The following KCNH7 variants were observed in gnomAD, a reference collection of about 807,000 sequenced individuals.
The protein encoded by KCNH7 is potassium voltage-gated channel subfamily H member 7, also known as voltage-gated inwardly rectifying potassium channel KCNH7.
Under a neutral mutation model 120.8 loss-of-function variants are expected in KCNH7, and 49 were observed. The ratio of observed to expected loss-of-function variants is 0.41; its 90% confidence interval spans 0.32 to 0.51. KCNH7 has a LOEUF of 0.51. Among genes scored for constraint, KCNH7 ranks in the 20% least tolerant of loss-of-function variants. The pLI is 0.38. For synonymous variants in KCNH7, 547 were observed against 516.1 expected, an observed-to-expected ratio of 1.06 and a Z score of -0.81; for missense variants, 1,097 against 1,446.6, an observed-to-expected ratio of 0.76 and a Z score of 3.92.
chr2:162,417,726 C>A (rs916263425), intron 9 of KCNH7, among the ~76,000 whole-genome samples: 1 of 152,118 alleles, frequency 6.6e-6, no homozygotes, highest in Non-Finnish European at 1.5e-5. Flanking sequence ...CAGCATCATT[C>A]CAACTGTAAA....
chr2:162,691,250 A>C (rs1469038124), intron 2 of KCNH7, among the ~76,000 whole-genome samples: 1 of 152,270 alleles, frequency 6.6e-6, no homozygotes, highest in South Asian at 2.1e-4. Context: ...ATTGTTCTGA[A>C]TATATTTTTC....
chr2:162,515,212 T>C (rs776805063), intron 4 of KCNH7, among the ~76,000 whole-genome samples: 99 of 151,728 alleles, frequency 6.5e-4, no homozygotes, highest in Non-Finnish European at 1.2e-3. Flanking sequence ...TTTTTTTTTA[T>C]AACAGCTTAC....
chr2:162,577,399 A>C (rs906662183), intron 2 of KCNH7, among the ~76,000 whole-genome samples: 12 of 149,464 alleles, frequency 8.0e-5, no homozygotes, highest in Non-Finnish European at 1.5e-4. Context: ...CTATCTATCC[A>C]TCTATCTATC....
chr2:162,750,012 T>G (rs1688484748), intron 2 of KCNH7, among the ~76,000 whole-genome samples: 1 of 152,132 alleles, frequency 6.6e-6, no homozygotes, highest in Non-Finnish European at 1.5e-5. Context: ...AAACTTACAC[T>G]GGGGACTTAG....
intron 2 of KCNH7, among the ~76,000 whole-genome samples, chr2:162,743,164 C>T (rs1481394131): frequency 6.6e-6 from 1 of 152,198 alleles, no homozygotes; most frequent in Non-Finnish European, 1.5e-5. Context: ...CCATCTGCAT[C>T]TCTCTCTGTA....
intron 3 of KCNH7, among the ~76,000 whole-genome samples, chr2:162,528,968 C>A (rs1471338024): frequency 6.6e-6 from 1 of 151,784 alleles, no homozygotes; most frequent in African/African-American, 2.4e-5. Flanking sequence ...GGCTTGGGAG[C>A]TTTGGATAAT....
chr2:162,831,594 C>T (rs1475084522), intron 2 of KCNH7, among the ~76,000 whole-genome samples: 2 of 152,096 alleles, frequency 1.3e-5, no homozygotes, highest in African/African-American at 2.4e-5. Flanking sequence ...CTCAACTAAC[C>T]GGGTACTCTC....
chr2:162,418,255 G>A (rs895150354), intron 9 of KCNH7, among the ~76,000 whole-genome samples: 1 of 152,044 alleles, frequency 6.6e-6, no homozygotes. Flanking sequence ...TGTAGGTTTT[G>A]GCCAATCTTT....
chr2:162,743,469 G>A (rs1329466359), intron 2 of KCNH7, among the ~76,000 whole-genome samples: 3 of 151,982 alleles, frequency 2.0e-5, no homozygotes, highest in Non-Finnish European at 4.4e-5. Flanking sequence ...AATGTAGAAT[G>A]TTACCAAAGA....
intron 2 of KCNH7, among the ~76,000 whole-genome samples, chr2:162,775,072 A>C (rs1442773358): frequency 2.0e-5 from 3 of 152,164 alleles, no homozygotes; most frequent in Non-Finnish European, 2.9e-5. Context: ...TTGAAAGAGG[A>C]GTGAATGAAC....
intron 9 of KCNH7, among the ~76,000 whole-genome samples, chr2:162,414,607 A>G (rs1439823596): frequency 3.3e-5 from 5 of 151,966 alleles, no homozygotes; most frequent in African/African-American, 1.2e-4. Context: ...TTATGCAACT[A>G]TATGTGTGTG....
chr2:162,550,639 C>A (rs1007187360), intron 2 of KCNH7, among the ~76,000 whole-genome samples: 1 of 152,064 alleles, frequency 6.6e-6, no homozygotes, highest in Admixed American at 6.6e-5. Context: ...AAGTGTTTCT[C>A]TTAAACACTG....
intron 13 of KCNH7, among the ~76,000 whole-genome samples, chr2:162,380,409 G>C (rs1220943929): frequency 6.6e-6 from 1 of 152,112 alleles, no homozygotes; most frequent in Non-Finnish European, 1.5e-5. Flanking sequence ...TAGGGTTTAA[G>C]ATTTTTAGGG....
chr2:162,709,396 C>G (rs1440820950), intron 2 of KCNH7, among the ~76,000 whole-genome samples: 3 of 151,994 alleles, frequency 2.0e-5, no homozygotes, highest in African/African-American at 7.2e-5. Context: ...CCCTGGAAAC[C>G]AAACTTCTCA....
chr2:162,558,066 A>T (rs942230682), intron 2 of KCNH7, among the ~76,000 whole-genome samples: 2 of 152,256 alleles, frequency 1.3e-5, no homozygotes, highest in African/African-American at 4.8e-5. Flanking sequence ...GAGCTTACAT[A>T]AAACATCTTA....
chr2:162,706,302 C>T lies in KCNH7; in HGVS notation c.307+130235G>A, dbSNP rs374752076. ...AAATCTATAATCTCCATAAAAATGA[C>T]TTTAGTAAGTCAATGATCATGCTTA... On this transcript the variant is annotated intron_variant, in intron 2 of 15. Transcript: ENST00000332142. 2.0e-4 allele frequency among the ~76,000 whole-genome samples: 31 copies of T among 152,134 alleles called. No individual in the cohort carries two copies. In the South Asian group the frequency reaches 6.0e-3, roughly 30 times the overall value.
chr2:162,542,641 G>A (rs912820297), intron 2 of KCNH7, among the ~76,000 whole-genome samples: 22 of 151,680 alleles, frequency 1.5e-4, no homozygotes, highest in African/African-American at 3.4e-4. Flanking sequence ...TCCTTAATCC[G>A]GTCTGTCATT....
chr2:162,824,636 A>T (rs1685222685), intron 2 of KCNH7, among the ~76,000 whole-genome samples: 1 of 152,062 alleles, frequency 6.6e-6, no homozygotes, highest in Non-Finnish European at 1.5e-5. Flanking sequence ...TATTGGAATA[A>T]ATTTAGCAGT....
intron 2 of KCNH7, among the ~76,000 whole-genome samples, chr2:162,775,721 A>G (rs923723626): frequency 2.6e-5 from 4 of 152,140 alleles, no homozygotes; most frequent in Non-Finnish European, 5.9e-5. Flanking sequence ...GCTGCTATAC[A>G]ATTTCATTTT....
Sources: gnomAD v4.1 joint callset for allele counts (sites outside exome capture counted in the v4.1 genomes callset) on GRCh38, gnomAD v4.1.1 for gene constraint, MANE v1.5 for transcripts, NCBI Gene and HGNC (gene_info 2026-07-23, HGNC 2026-07-21) for gene names.